Variants in RAPGEF4 observed in about 807,000 individuals in gnomAD.
RAPGEF4 encodes the protein RAP guanine-nucleotide-exchange factor (GEF) 4.
RAPGEF4 carries 66 observed loss-of-function variants against 147.9 expected under a neutral mutation model. The ratio of observed to expected loss-of-function variants is 0.45; its 90% confidence interval spans 0.37 to 0.55. RAPGEF4 has a LOEUF of 0.55. Among genes scored for constraint, RAPGEF4 ranks in the 20% least tolerant of loss-of-function variants. The probability of loss-of-function intolerance (pLI) is 0.00; values close to 1 mark genes in which losing one functional copy is unlikely to be tolerated. For synonymous variants in RAPGEF4, 419 were observed against 442.7 expected, an observed-to-expected ratio of 0.95 and a Z score of 0.67; for missense variants, 1,071 against 1,257.3, an observed-to-expected ratio of 0.85 and a Z score of 2.24.
chr2:172,887,720 T>A lies in RAPGEF4; in HGVS notation c.445-30082T>A, dbSNP rs529784469. Among the ~76,000 whole-genome samples the A allele has an allele frequency of 1.3e-3, 204 of 152,264 alleles. No homozygotes were observed. In the South Asian group the frequency reaches 0.016, roughly 12 times the overall value. On this transcript the variant is annotated intron_variant, in intron 4 of 30. Transcript: ENST00000397081. ...GAAGCCTTCTGTATCTGGCCACTCC[T>A]GTCTCTTCTCACAGTTCCTCTGCTT...
At chr2:172,843,723 T>C (rs978254848) in intron 4 of RAPGEF4, among the ~76,000 whole-genome samples, 1 of 47,752 alleles carries the variant, frequency 2.1e-5, no homozygotes, top group African/African-American at 8.7e-5. Flanking sequence ...TGCATACATA[T>C]TATGTATTTG....
In RAPGEF4 at chr2:173,051,862, T is replaced by C; in HGVS notation, c.*95T>C. ...TACTGACTGTATTGCCACTAGAGAA[T>C]TCTACAAAACAAGCAAAAACACATC... On this transcript the variant is annotated 3_prime_UTR_variant, in exon 31 of 31. Coordinates refer to ENST00000397081, the MANE Select transcript of RAPGEF4 (RefSeq NM_007023.4). 2.1e-6 allele frequency: 3 copies of C among 1,463,390 alleles called. No homozygotes were observed. Among genetic ancestry groups the C allele is most frequent in the Non-Finnish European group, 1.9e-6 (2 of 1,067,208 alleles). The allele number at this position is 1,463,390 out of a possible 1,614,324, so 90.7% of individuals were successfully genotyped here.
At chr2:172,748,098 T>A (rs926996584) in intron 1 of RAPGEF4, among the ~76,000 whole-genome samples, 2 of 152,226 alleles carry the variant, frequency 1.3e-5, no homozygotes, top group Non-Finnish European at 2.9e-5. Flanking sequence ...TAGGTTGTTT[T>A]CTTTCTTGGT....
chr2:173,018,826 A>G, intron 22 of RAPGEF4, 24 bp downstream of exon 22: 1 of 1,607,006 alleles, frequency 6.2e-7, no homozygotes, highest in Non-Finnish European at 8.5e-7. Context: ...TTCATATTTT[A>G]GGCTCTGCAA....
intron 1 of RAPGEF4, among the ~76,000 whole-genome samples, chr2:172,750,031 T>G (rs1695126593): frequency 6.6e-6 from 1 of 152,130 alleles, no homozygotes; most frequent in African/African-American, 2.4e-5. Flanking sequence ...TTTCATTGTT[T>G]ATATCATTAT....
intron 29 of RAPGEF4, among the ~76,000 whole-genome samples, chr2:173,039,507 G>A (rs1684485231): frequency 6.6e-6 from 1 of 151,670 alleles, no homozygotes; most frequent in African/African-American, 2.4e-5. Context: ...ACCTGCTACA[G>A]GATGCGATCA....
chr2:172,915,948 A>G (rs996202081), intron 4 of RAPGEF4, among the ~76,000 whole-genome samples: 1 of 152,178 alleles, frequency 6.6e-6, no homozygotes, highest in South Asian at 2.1e-4. Flanking sequence ...GAAAATGGAC[A>G]TTTCACAAGT....
intron 12 of RAPGEF4, among the ~76,000 whole-genome samples, chr2:172,986,764 G>A (rs558750682): frequency 8.6e-5 from 13 of 151,280 alleles, no homozygotes; most frequent in Non-Finnish European, 5.9e-5. Flanking sequence ...CACAACCTTG[G>A]CTCACTGCAA....
At chr2:172,757,687 T>C (rs1695908332) in intron 1 of RAPGEF4, among the ~76,000 whole-genome samples, 1 of 152,214 alleles carries the variant, frequency 6.6e-6, no homozygotes, top group Non-Finnish European at 1.5e-5. Context: ...GAGTTTTTGG[T>C]ATTTGGGGCC....
rs376255045 is a variant in RAPGEF4, at chr2:172,965,660, T to C, written c.797T>C (p.Leu266Ser). ...GCTGTTGGCATGTGGCAAGTCCTGT[T>C]AGAAGATGGTGTTCTCAACCACGGT... Reference protein sequence around the residue: ...TQAVGMWQVLLEDGVLNHVDQ... With the variant: ...TQAVGMWQVLSEDGVLNHVDQ... The change falls in exon 9 of 31, where the codon TTA (leucine) becomes TCA (serine). Residue 266 changes from leucine to serine, a missense_variant. Transcript: ENST00000397081. The C allele has an allele frequency of 1.3e-5, 21 of 1,614,056 alleles. No individual in the cohort carries two copies. Among genetic ancestry groups the C allele is most frequent in the Non-Finnish European group, 1.8e-5 (21 of 1,180,028 alleles).
In RAPGEF4 at chr2:173,030,153, C is replaced by G. The variant is rs1559198230; in HGVS notation, c.2559-11C>G. The G allele has an allele frequency of 6.3e-7, 1 of 1,580,598 alleles. No individual in the cohort carries two copies. Among genetic ancestry groups the G allele is most frequent in the South Asian group, 1.1e-5 (1 of 90,218 alleles). On this transcript the variant is annotated splice_polypyrimidine_tract_variant and intron_variant, in intron 25 of 30. Transcript: ENST00000397081. ...AACATTTTACTCAAACACGCATCTC[C>G]TGTGTTTCAGCTGTAAGGAGTATAA...
chr2:172,859,588 A>G (rs1693797822), intron 4 of RAPGEF4, among the ~76,000 whole-genome samples: 1 of 152,244 alleles, frequency 6.6e-6, no homozygotes, highest in Non-Finnish European at 1.5e-5. Flanking sequence ...TTGCTAAGTC[A>G]TAGCTCAATA....
rs539542316 is a variant in RAPGEF4 at position 172,876,521 on chromosome 2, C to G, written c.445-41281C>G. On this transcript the variant is annotated intron_variant, in intron 4 of 30. Transcript: ENST00000397081. ...ATTGAGATAATCATGTGGTTTTTGT[C>G]TTTGGTTCTGTTTATATACTGGATT... Among the ~76,000 whole-genome samples the G allele has an allele frequency of 3.5e-4, 54 of 152,192 alleles. 1 individual carries two copies. Among genetic ancestry groups the G allele is most frequent in the African/African-American group, 1.3e-3 (52 of 41,510 alleles).
intron 4 of RAPGEF4, among the ~76,000 whole-genome samples, chr2:172,841,203 C>T (rs1413607044): frequency 1.3e-5 from 2 of 152,178 alleles, no homozygotes; most frequent in Admixed American, 6.5e-5. Flanking sequence ...GGCTTTGTGC[C>T]ACTCCAAGAA....
At chr2:172,806,245 G>C (rs554796443) in intron 3 of RAPGEF4, among the ~76,000 whole-genome samples, 84 of 152,246 alleles carry the variant, frequency 5.5e-4, no homozygotes, top group Non-Finnish European at 1.0e-3. Flanking sequence ...AATTTCAAAT[G>C]GCTGCTGACA....
chr2:173,033,506 A>G (rs542344979), intron 26 of RAPGEF4, among the ~76,000 whole-genome samples: 2 of 152,314 alleles, frequency 1.3e-5, no homozygotes, highest in African/African-American at 4.8e-5. Flanking sequence ...GGGTTGAAAG[A>G]GATAGTTTCA....
intron 4 of RAPGEF4, among the ~76,000 whole-genome samples, chr2:172,862,533 A>G (rs2149782347): frequency 6.6e-6 from 1 of 152,320 alleles, no homozygotes; most frequent in East Asian, 1.9e-4. Flanking sequence ...GAGAGCAGAC[A>G]CTTGGATTTA....
At chr2:172,889,287 G>A (rs1488411381) in intron 4 of RAPGEF4, among the ~76,000 whole-genome samples, 1 of 151,758 alleles carries the variant, frequency 6.6e-6, no homozygotes, top group Non-Finnish European at 1.5e-5. Flanking sequence ...CATCCTTTTG[G>A]CATGTTTTAT....
At chr2:172,773,169 A>G (rs1287658575) in intron 1 of RAPGEF4, among the ~76,000 whole-genome samples, 1 of 152,188 alleles carries the variant, frequency 6.6e-6, no homozygotes, top group Non-Finnish European at 1.5e-5. Flanking sequence ...CAGATCTTTT[A>G]CTGGATAATA....
Sources: allele counts gnomAD v4.1 joint callset (sites outside exome capture counted in the v4.1 genomes callset), GRCh38; gene constraint gnomAD v4.1.1; transcripts MANE v1.5; gene names NCBI Gene and HGNC (gene_info 2026-07-23, HGNC 2026-07-21).